Variants in DDOST observed in about 807,000 individuals in gnomAD.
DDOST encodes dolichyl-diphosphooligosaccharide--protein glycosyltransferase non-catalytic subunit.
DDOST carries 25 observed loss-of-function variants against 47.6 expected under a neutral mutation model. That is an observed-to-expected ratio of 0.53 (90% CI 0.38 to 0.73). The LOEUF (loss-of-function observed/expected upper bound fraction) is 0.73. Among genes scored for constraint, DDOST ranks in the 30% least tolerant of loss-of-function variants. The pLI, the probability that DDOST is intolerant of heterozygous loss-of-function variation, is 0.00. For missense variants in DDOST, 526 were observed against 573.9 expected (o/e 0.92, Z 0.85); for synonymous variants, 275 against 236.0 (o/e 1.17, Z -1.51).
rs757889180 is a variant in DDOST, at chr1:20,655,418, C to T, written c.551+22G>A. 4.4e-6 allele frequency: 7 copies of T among 1,583,074 alleles called. No individual in the cohort carries two copies. The South Asian group carries it at 7.8e-5, about 18-fold the overall frequency. ...CTTCTTCCCCCAGGTTTCTGCTGTC[C>T]TCTCCCTGCTCACTCACTCACCCAA... is the stretch of plus-strand genomic sequence containing the variant. On this transcript the variant is annotated intron_variant, in intron 5 of 10. Coordinates refer to ENST00000602624, the MANE Select transcript of DDOST (RefSeq NM_005216.5).
At chr1:20,660,210 G>A (rs78986704) in intron 2 of DDOST, among the ~76,000 whole-genome samples, 2,678 of 152,266 alleles carry the variant, frequency 0.018, 72 homozygotes, top group African/African-American at 0.05. Context: ...TAAGGTGCTG[G>A]GGAGCATAAG....
chr1:20,659,486 C>G (rs989106446), intron 2 of DDOST, among the ~76,000 whole-genome samples: 25 of 152,308 alleles, frequency 1.6e-4, no homozygotes, highest in African/African-American at 5.5e-4. Flanking sequence ...TCCTCCAGGG[C>G]AGACTCCCTA....
intron 5 of DDOST, among the ~76,000 whole-genome samples, chr1:20,655,191 T>TTTTTTTTTTTTTTG (rs2053357914): frequency 6.7e-6 from 1 of 148,298 alleles, no homozygotes; most frequent in African/African-American, 2.5e-5. Flanking sequence ...TTTTTTTTTT[T>TTTTTTTTTTTTTTG]TTTTAAAGAG....
intron 5 of DDOST, among the ~76,000 whole-genome samples, chr1:20,655,035 T>C (rs1440026733): frequency 6.6e-6 from 1 of 152,138 alleles, no homozygotes; most frequent in Non-Finnish European, 1.5e-5. Flanking sequence ...AATTTTTGTA[T>C]TTTTAGCAGA....
rs997108433 is a variant in DDOST, at chr1:20,656,271, A to C, written c.266-84T>G. 2.4e-4 allele frequency: 254 copies of C among 1,078,680 alleles called. 1 individual carries two copies. Among genetic ancestry groups the C allele is most frequent in the Admixed American group, 5.2e-4 (29 of 55,690 alleles). The allele number at this position is 1,078,680 out of a possible 1,614,324, so 66.8% of individuals were successfully genotyped here. A position where few individuals can be genotyped will look rare whatever the true frequency, so the allele number is the denominator to read the frequency against. On this transcript the variant is annotated intron_variant, in intron 2 of 10. Transcript: ENST00000602624. ...CTGGCAGGGAGGGGACATGAAGGGCAGAGCAGCCACGATCACTCACAGAGC... is the reference window on the plus strand; with the variant it reads ...CTGGCAGGGAGGGGACATGAAGGGCCGAGCAGCCACGATCACTCACAGAGC...
In DDOST at chr1:20,661,233, G is replaced by A. The variant is rs936904719; in HGVS notation, c.118C>T (p.Arg40Trp). ...TLVLLDNLNV[R>W]ETHSLFFRSL... Reference sequence around the variant, plus strand: ...CGGAAGAAAAGCGAATGAGTCTCCCGCACGTTGAGGTTGTCCAGCAGCACT... The same window carrying A: ...CGGAAGAAAAGCGAATGAGTCTCCCACACGTTGAGGTTGTCCAGCAGCACT... Residue 40 changes from arginine to tryptophan, a missense_variant, in exon 1 of 11, where the codon CGG becomes TGG. Physicochemically the swap from Arg to Trp is moderately radical, Grantham distance 101. Transcript: ENST00000602624. 5 of 1,614,010 alleles carry A rather than the reference G, an allele frequency of 3.1e-6. No homozygotes were observed. Among genetic ancestry groups the A allele is most frequent in the Non-Finnish European group, 4.2e-6 (5 of 1,180,014 alleles).
intron 1 of DDOST, 38 bp from the exon 2 acceptor site, chr1:20,661,029 C>T (rs764152311): frequency 6.5e-7 from 1 of 1,542,258 alleles, no homozygotes; most frequent in East Asian, 2.2e-5. Context: ...GAAGACGGGA[C>T]GCGAAGGGAA....
intron 1 of DDOST, 87 bp downstream of exon 1, chr1:20,661,110 A>G: frequency 6.6e-7 from 1 of 1,519,248 alleles, no homozygotes; most frequent in Non-Finnish European, 9.0e-7. Flanking sequence ...GCTCCAGGAA[A>G]GGGAGAGGGA....
Sources: allele counts gnomAD v4.1 joint callset (sites outside exome capture counted in the v4.1 genomes callset), GRCh38; gene constraint gnomAD v4.1.1; transcripts MANE v1.5; gene names NCBI Gene and HGNC (gene_info 2026-07-23, HGNC 2026-07-21).